Variants in TMC1 observed in about 807,000 individuals in gnomAD.
TMC1 encodes the protein transmembrane channel like 1, also known as transmembrane channel-like protein 1.
In TMC1, 84 loss-of-function variants were observed where a neutral mutation model predicts 105.8. The ratio of observed to expected loss-of-function variants is 0.79; its 90% confidence interval spans 0.67 to 0.95. TMC1 has a LOEUF of 0.95. TMC1 is among the 40% of genes least tolerant of loss of function. The pLI is 0.00. For synonymous variants in TMC1, 315 were observed against 311.5 expected (o/e 1.01, Z -0.12); for missense variants, 817 against 914.1 (o/e 0.89, Z 1.37).
At chr9:72,675,954 T>A (rs1826195700) in intron 5 of TMC1, among the ~76,000 whole-genome samples, 2 of 152,274 alleles carry the variant, frequency 1.3e-5, no homozygotes, top group South Asian at 4.1e-4. Context: ...ATTTTATAAT[T>A]TCTGTGGCAA....
intron 13 of TMC1, among the ~76,000 whole-genome samples, chr9:72,783,089 G>A (rs1214806249): frequency 6.6e-6 from 1 of 152,138 alleles, no homozygotes; most frequent in Non-Finnish European, 1.5e-5. Context: ...TCATGATACT[G>A]ATAGAAAAAC....
intron 1 of TMC1, among the ~76,000 whole-genome samples, chr9:72,547,831 T>C (rs1306994437): frequency 6.6e-6 from 1 of 152,214 alleles, no homozygotes; most frequent in African/African-American, 2.4e-5. Flanking sequence ...CGGGATGCTT[T>C]AACAGAATAT....
chr9:72,617,949 G>A (rs1825165984), intron 3 of TMC1, among the ~76,000 whole-genome samples: 1 of 128,902 alleles, frequency 7.8e-6, no homozygotes, highest in Non-Finnish European at 1.7e-5. Context: ...GTGTGTGTGT[G>A]TATGTGTGAT....
intron 1 of TMC1, among the ~76,000 whole-genome samples, chr9:72,556,854 T>C (rs191436635): frequency 1.3e-5 from 2 of 151,182 alleles, no homozygotes; most frequent in East Asian, 3.9e-4. Flanking sequence ...AACAAAAAAA[T>C]TGGTTCTTGA....
At chr9:72,683,731 TTTTATATATA>T (rs1467722199) in intron 5 of TMC1, among the ~76,000 whole-genome samples, 3,266 of 49,588 alleles carry the variant, frequency 0.066, 144 homozygotes, top group Middle Eastern at 0.1. Flanking sequence ...GAGTTACACA[TTTTATATATA>T]TATATATATA....
intron 4 of TMC1, among the ~76,000 whole-genome samples, chr9:72,631,034 A>C (rs1008890282): frequency 6.6e-6 from 1 of 151,818 alleles, no homozygotes; most frequent in African/African-American, 2.4e-5. Context: ...CGCCCGGCTA[A>C]TTTTTGTATT....
In TMC1 at chr9:72,789,258, C is replaced by T. The variant is rs151001642; in HGVS notation, c.1165C>T (p.Arg389Ter). 1.4e-4 allele frequency: 219 copies of T among 1,613,974 alleles called. No homozygotes were observed. Among genetic ancestry groups the T allele is most frequent in the Non-Finnish European group, 1.7e-4 (198 of 1,179,926 alleles). ...SGYLIFWAVK[R>*]SQEFAQQDPD... ...ATACCTCATCTTTTGGGCTGTGAAG[C>T]GATCCCAGGAATTTGCACAGCAAGA... Residue 389 changes from arginine to a stop codon, truncating the protein, a stop_gained, in exon 15 of 24, where the codon CGA (arginine) becomes TGA (stop). Transcript: ENST00000297784. LOFTEE classifies it high-confidence loss of function.
chr9:72,603,566 G>T (rs1426895881), intron 2 of TMC1, among the ~76,000 whole-genome samples: 1 of 152,026 alleles, frequency 6.6e-6, no homozygotes, highest in Admixed American at 6.6e-5. Flanking sequence ...TGTTGTTGTT[G>T]TTGTTGTTGC....
chr9:72,689,114 A>C (rs1418188928), intron 6 of TMC1, among the ~76,000 whole-genome samples: 2 of 152,166 alleles, frequency 1.3e-5, no homozygotes, highest in Non-Finnish European at 2.9e-5. Context: ...TAGGTTCAAC[A>C]AAGTGTGGAT....
chr9:72,723,345 C>T (rs1237270114), intron 8 of TMC1, among the ~76,000 whole-genome samples: 1 of 152,132 alleles, frequency 6.6e-6, no homozygotes, highest in Non-Finnish European at 1.5e-5. Context: ...TAAAGTGGAA[C>T]ACTTTTTATT....
chr9:72,569,677 T>A (rs1824236031), intron 1 of TMC1, among the ~76,000 whole-genome samples: 1 of 152,090 alleles, frequency 6.6e-6, no homozygotes, highest in East Asian at 1.9e-4. Context: ...ACAGTGTGCA[T>A]GGAGAGAGGC....
chr9:72,718,841 G>A (rs1826966526), intron 8 of TMC1, among the ~76,000 whole-genome samples: 1 of 152,154 alleles, frequency 6.6e-6, no homozygotes, highest in African/African-American at 2.4e-5. Flanking sequence ...GCAGGGTTAG[G>A]TACGAATGAC....
intron 3 of TMC1, among the ~76,000 whole-genome samples, chr9:72,622,439 T>G (rs1280341849): frequency 1.3e-5 from 2 of 152,204 alleles, no homozygotes; most frequent in African/African-American, 4.8e-5. Flanking sequence ...CAAGGAGGGC[T>G]TGTCCTCATC....
At chr9:72,559,026 A>G (rs926101353) in intron 1 of TMC1, among the ~76,000 whole-genome samples, 32 of 152,306 alleles carry the variant, frequency 2.1e-4, no homozygotes, top group African/African-American at 7.5e-4. Flanking sequence ...ATGAAGTCAT[A>G]CAACTTCTCT....
At chr9:72,806,012 C>T (rs1355627030) in intron 18 of TMC1, among the ~76,000 whole-genome samples, 2 of 152,070 alleles carry the variant, frequency 1.3e-5, no homozygotes, top group African/African-American at 4.8e-5. Context: ...CTTTCTATTC[C>T]ACAAAGCCGC....
At chr9:72,732,596 G>A (rs1161571760) in intron 8 of TMC1, among the ~76,000 whole-genome samples, 1 of 151,350 alleles carries the variant, frequency 6.6e-6, no homozygotes, top group African/African-American at 2.4e-5. Context: ...AAATATCTTT[G>A]GATAATAACT....
At chr9:72,693,460 A>T (rs1826501986) in intron 6 of TMC1, among the ~76,000 whole-genome samples, 1 of 152,196 alleles carries the variant, frequency 6.6e-6, no homozygotes, top group Non-Finnish European at 1.5e-5. Flanking sequence ...GTTCATTTGG[A>T]TGTCTACAGA....
At chr9:72,525,714 G>C (rs767240550) in intron 1 of TMC1, among the ~76,000 whole-genome samples, 2 of 152,190 alleles carry the variant, frequency 1.3e-5, no homozygotes, top group Non-Finnish European at 2.9e-5. Context: ...TTGGCCAGTT[G>C]CGGTGGCTCA....
At chr9:72,793,367 CAG>C (rs1472621429) in intron 17 of TMC1, among the ~76,000 whole-genome samples, 1 of 152,186 alleles carries the variant, frequency 6.6e-6, no homozygotes, top group Non-Finnish European at 1.5e-5. Flanking sequence ...CTCCCTGAGA[CAG>C]AGCTCCTGGG....
Sources: allele counts gnomAD v4.1 joint callset (sites outside exome capture counted in the v4.1 genomes callset), GRCh38; gene constraint gnomAD v4.1.1; transcripts MANE v1.5; gene names NCBI Gene and HGNC (gene_info 2026-07-23, HGNC 2026-07-21).